The following PHF21B variants were observed in gnomAD, a reference collection of about 807,000 sequenced individuals.
PHF21B encodes the protein PHD finger protein 21B.
PHF21B carries 22 observed loss-of-function variants against 62.2 expected under a neutral mutation model. That is an observed-to-expected ratio of 0.35 (90% CI 0.25 to 0.51). PHF21B has a LOEUF of 0.51. Ranked by LOEUF, PHF21B falls within the 20% of genes least tolerant of loss-of-function variation. The probability of loss-of-function intolerance (pLI) is 0.97; values close to 1 mark genes in which losing one functional copy is unlikely to be tolerated. For missense variants in PHF21B, 701 were observed against 707.9 expected, an observed-to-expected ratio of 0.99 and a Z score of 0.11; for synonymous variants, 341 against 314.7, an observed-to-expected ratio of 1.08 and a Z score of -0.88.
chr22:44,933,369 C>T (rs987324208), intron 2 of PHF21B: 7 of 818,388 alleles, frequency 8.6e-6, no homozygotes, highest in East Asian at 1.3e-4. Flanking sequence ...CCTCGGCCTC[C>T]GAAAGTGATG....
chr22:44,985,156 G>C (rs1045546480), intron 2 of PHF21B, among the ~76,000 whole-genome samples: 2 of 152,150 alleles, frequency 1.3e-5, no homozygotes, highest in Admixed American at 1.3e-4. Flanking sequence ...TTGTCTTTAA[G>C]AACATAATCT....
At chr22:44,938,892 G>A (rs2071900872) in intron 2 of PHF21B, among the ~76,000 whole-genome samples, 1 of 152,222 alleles carries the variant, frequency 6.6e-6, no homozygotes, top group African/African-American at 2.4e-5. Flanking sequence ...CACTAAGGAA[G>A]GACTCGTGTC....
intron 2 of PHF21B, among the ~76,000 whole-genome samples, chr22:44,932,247 C>T (rs183686772): frequency 2.6e-5 from 4 of 152,160 alleles, no homozygotes; most frequent in Non-Finnish European, 5.9e-5. Context: ...GATTGGGGGG[C>T]GAATGCCCCA....
At chr22:44,959,538 G>A (rs74773161) in intron 2 of PHF21B, among the ~76,000 whole-genome samples, 6,128 of 152,216 alleles carry the variant, frequency 0.04, 399 homozygotes, top group African/African-American at 0.14. Context: ...TGGCTGCCCC[G>A]GCTCTGACCT....
At chr22:44,950,226 C>T (rs2064662891) in intron 2 of PHF21B, among the ~76,000 whole-genome samples, 1 of 152,252 alleles carries the variant, frequency 6.6e-6, no homozygotes, top group Admixed American at 6.5e-5. Flanking sequence ...CAAAAACAAG[C>T]ATTGTTGCCT....
At chr22:44,934,622 A>G (rs915612490) in intron 2 of PHF21B, among the ~76,000 whole-genome samples, 6 of 152,156 alleles carry the variant, frequency 3.9e-5, no homozygotes, top group African/African-American at 1.4e-4. Context: ...CTCTGCAGGT[A>G]GGCACTGGGG....
chr22:44,885,367 C>A, intron 12 of PHF21B, 59 bp downstream of exon 12: 3 of 1,482,710 alleles, frequency 2.0e-6, no homozygotes, highest in South Asian at 2.5e-5. Context: ...TATCTGTCCC[C>A]TAGACCCGGG....
At chr22:45,002,650 T>A (rs1460815492) in intron 2 of PHF21B, among the ~76,000 whole-genome samples, 1 of 152,206 alleles carries the variant, frequency 6.6e-6, no homozygotes, top group Non-Finnish European at 1.5e-5. Context: ...CACTCCTCCC[T>A]TCTGACCTGC....
intron 4 of PHF21B, among the ~76,000 whole-genome samples, chr22:44,914,298 C>A (rs529310144): frequency 6.6e-6 from 1 of 152,292 alleles, no homozygotes; most frequent in South Asian, 2.1e-4. Context: ...TGGGGAGGGT[C>A]TGCATGAGAA....
At chr22:44,925,250 T>C (rs116737168) in intron 2 of PHF21B, among the ~76,000 whole-genome samples, 334 of 152,356 alleles carry the variant, frequency 2.2e-3, no homozygotes, top group African/African-American at 7.6e-3. Flanking sequence ...GTCAAACTTA[T>C]ATTGTACATT....
intron 2 of PHF21B, among the ~76,000 whole-genome samples, chr22:44,932,512 G>C (rs2071761954): frequency 6.6e-6 from 1 of 152,216 alleles, no homozygotes; most frequent in African/African-American, 2.4e-5. Flanking sequence ...CTAGCTGCCT[G>C]TCCCCACTGA....
At chr22:44,987,107 C>G (rs1302943449) in intron 2 of PHF21B, among the ~76,000 whole-genome samples, 1 of 152,038 alleles carries the variant, frequency 6.6e-6, no homozygotes, top group Non-Finnish European at 1.5e-5. Flanking sequence ...AAAAGGCTAG[C>G]TAAACTTGAG....
At chr22:44,996,139 G>A (rs1444401587) in intron 2 of PHF21B, among the ~76,000 whole-genome samples, 1 of 152,132 alleles carries the variant, frequency 6.6e-6, no homozygotes, top group African/African-American at 2.4e-5. Flanking sequence ...GGGCCATGCT[G>A]CCCCCAGCTG....
At chr22:44,972,165 C>T (rs1231348815) in intron 2 of PHF21B, among the ~76,000 whole-genome samples, 14 of 152,232 alleles carry the variant, frequency 9.2e-5, no homozygotes, top group Admixed American at 9.2e-4. Flanking sequence ...AAAGGCTTGG[C>T]TTTGAAATTC....
intron 2 of PHF21B, among the ~76,000 whole-genome samples, chr22:44,938,905 G>C (rs961587101): frequency 4.6e-5 from 7 of 152,176 alleles, no homozygotes; most frequent in Non-Finnish European, 8.8e-5. Context: ...CTCGTGTCTC[G>C]CTTCTCTGCT....
intron 2 of PHF21B, 38 bp downstream of exon 2, chr22:45,008,507 C>A (rs760757370): frequency 2.0e-6 from 3 of 1,514,666 alleles, no homozygotes; most frequent in Admixed American, 2.0e-5. Flanking sequence ...GCCACCCTCC[C>A]GCCCCATCCC....
At chr22:44,921,589 T>C (rs1046833364) in intron 2 of PHF21B, among the ~76,000 whole-genome samples, 3 of 150,266 alleles carry the variant, frequency 2.0e-5, no homozygotes, top group Non-Finnish European at 4.4e-5. Flanking sequence ...ATGGTCTCAA[T>C]CTCCTGACCT....
In PHF21B at chr22:44,885,445, C is replaced by T. The variant is rs372689221; in HGVS notation, c.1358G>A (p.Arg453Gln). The change falls in exon 12 of 13, where the codon CGG becomes CAG. Residue 453 changes from arginine to glutamine, a missense_variant. Coordinates refer to ENST00000313237, the MANE Select transcript of PHF21B (RefSeq NM_138415.5). The stretch of plus-strand genomic sequence containing the variant: ...GCACACCTGCACTGCTGACGCCAGC[C>T]GCCGGTCCCGCTCCTCCAGCTGCTG... Reference protein sequence around the residue: ...EHQQLEERDRRLASAVQKCLE... With the variant: ...EHQQLEERDRQLASAVQKCLE... 2.9e-5 allele frequency: 46 copies of T among 1,586,010 alleles called. No homozygotes were observed. In the East Asian group the frequency reaches 4.3e-4, roughly 15 times the overall value.
intron 2 of PHF21B, among the ~76,000 whole-genome samples, chr22:44,924,527 T>G (rs2071596077): frequency 6.6e-6 from 1 of 152,186 alleles, no homozygotes; most frequent in African/African-American, 2.4e-5. Flanking sequence ...AGTGCTCTTA[T>G]AAGAAGAGAC....
Sources: gnomAD v4.1 joint callset for allele counts (sites outside exome capture counted in the v4.1 genomes callset) on GRCh38, gnomAD v4.1.1 for gene constraint, MANE v1.5 for transcripts, NCBI Gene and HGNC (gene_info 2026-07-23, HGNC 2026-07-21) for gene names.